Variants in PPP1R42 observed in about 807,000 individuals in gnomAD.
The protein encoded by PPP1R42 is protein phosphatase 1 regulatory subunit 42, also known as leucine rich repeat containing 67.
A neutral mutation model predicts 31.0 loss-of-function variants in PPP1R42; 34 were observed. The ratio of observed to expected loss-of-function variants is 1.10; its 90% CI spans 0.83 to 1.46. The LOEUF is 1.46. Ranked by LOEUF, PPP1R42 falls within the 40% of genes most tolerant of loss-of-function variation. The probability of loss-of-function intolerance (pLI) is 0.00; values close to 1 mark genes in which losing one functional copy is unlikely to be tolerated. For missense variants in PPP1R42, 268 were observed against 303.0 expected (o/e 0.88, Z 0.86); for synonymous variants, 103 against 109.8 (o/e 0.94, Z 0.39).
intron 6 of PPP1R42, chr8:66,984,687 C>G: frequency 1.3e-6 from 2 of 1,564,238 alleles, no homozygotes; most frequent in South Asian, 1.1e-5. Context: ...CAGAGTTGGC[C>G]TCTTCATGCA....
intron 1 of PPP1R42, among the ~76,000 whole-genome samples, chr8:67,023,739 A>G (rs1417741981): frequency 1.3e-5 from 2 of 151,662 alleles, no homozygotes; most frequent in Non-Finnish European, 2.9e-5. Flanking sequence ...GGGCGTATAC[A>G]CTTGTCTTAT....
chr8:67,016,918 A>G (rs1262001464), intron 2 of PPP1R42, among the ~76,000 whole-genome samples: 1 of 152,150 alleles, frequency 6.6e-6, no homozygotes, highest in African/African-American at 2.4e-5. Flanking sequence ...ACTTCTTAAC[A>G]TTTTGGTATA....
intron 6 of PPP1R42, chr8:66,988,138 C>G (rs1815081888): frequency 1.9e-6 from 2 of 1,077,192 alleles, no homozygotes; most frequent in Non-Finnish European, 2.2e-6. Flanking sequence ...ACATTTATGA[C>G]TAACCATTTT....
chr8:67,011,998 C>T (rs573173244), intron 4 of PPP1R42, among the ~76,000 whole-genome samples: 19 of 152,216 alleles, frequency 1.2e-4, no homozygotes, highest in African/African-American at 2.4e-4. Flanking sequence ...AGGCCGGGCA[C>T]GGTGGCTCAC....
chr8:67,015,539 T>G (rs1404334124), intron 2 of PPP1R42, among the ~76,000 whole-genome samples: 1 of 151,994 alleles, frequency 6.6e-6, no homozygotes, highest in South Asian at 2.1e-4. Context: ...TGATTGTGTC[T>G]GAATAGGATT....
At chr8:67,004,603 T>C (rs1157172080) in intron 5 of PPP1R42, among the ~76,000 whole-genome samples, 4 of 152,222 alleles carry the variant, frequency 2.6e-5, no homozygotes, top group Non-Finnish European at 5.9e-5. Context: ...TCATGTTTCT[T>C]TTAAAAAATA....
chr8:67,013,675 G>A (rs1301835449), intron 3 of PPP1R42, among the ~76,000 whole-genome samples: 4 of 152,094 alleles, frequency 2.6e-5, no homozygotes, highest in South Asian at 2.1e-4. Context: ...AGTCATGATC[G>A]CGCCACTGCA....
At chr8:66,981,768 A>T (rs779821193) in intron 7 of PPP1R42, among the ~76,000 whole-genome samples, 17 of 152,308 alleles carry the variant, frequency 1.1e-4, no homozygotes, top group Non-Finnish European at 1.9e-4. Flanking sequence ...CAGGTATACA[A>T]TTATACATTT....
At chr8:67,017,559 C>A in intron 2 of PPP1R42, 60 bp downstream of exon 2, 1 of 992,484 alleles carries the variant, frequency 1.0e-6, no homozygotes, top group Non-Finnish European at 1.4e-6. Flanking sequence ...GCTCCCAAAC[C>A]AATTCCTAAA....
chr8:67,009,254 A>G (rs1815776752), intron 5 of PPP1R42, among the ~76,000 whole-genome samples: 1 of 151,372 alleles, frequency 6.6e-6, no homozygotes, highest in Non-Finnish European at 1.5e-5. Context: ...TGGGCTACAG[A>G]GTGAGACTCC....
chr8:67,010,724 C>A lies in PPP1R42; in HGVS notation c.543G>T (p.Leu181=). 6.3e-7 allele frequency: 1 copy of A among 1,583,424 alleles called. No homozygotes were observed. The highest frequency in any genetic ancestry group is 8.6e-7 in the Non-Finnish European group (1 of 1,160,430). ...NQLIAVDNQL[L]HVKDLEFLLN... ...TTTCTCTTTACACTACCTTCACATG[C>A]AGAAGTTGGTTGTCAACGGCTATGA... The change falls in exon 5 of 8, where the codon CTG becomes CTT. Residue 181 remains leucine (L), a synonymous_variant. Transcript: ENST00000685739.
intron 7 of PPP1R42, among the ~76,000 whole-genome samples, chr8:66,971,338 G>C (rs1181024440): frequency 6.6e-6 from 1 of 152,146 alleles, no homozygotes; most frequent in African/African-American, 2.4e-5. Flanking sequence ...GAAAGTTCAT[G>C]ATCAACTCTT....
Position 66,982,974 on chromosome 8 carries a change from G to A in PPP1R42, c.671-794C>T, listed in dbSNP as rs1274660441. On this transcript the variant is annotated intron_variant, in intron 6 of 7. Coordinates refer to ENST00000685739, the MANE Select transcript of PPP1R42 (RefSeq NM_001364910.1). ...AGCTTTTTTTTTTTTTTAGAGATGGGATCTCACTATGTTGCCCAGGCTGCT... is the reference window on the plus strand; with the variant it reads ...AGCTTTTTTTTTTTTTTAGAGATGGAATCTCACTATGTTGCCCAGGCTGCT... Among the ~76,000 whole-genome samples the A allele has an allele frequency of 4.0e-5, 6 of 151,020 alleles. No homozygotes were observed. In the East Asian group the frequency reaches 5.8e-4, roughly 15 times the overall value.
At chr8:67,004,371 T>A (rs1042337693) in intron 5 of PPP1R42, among the ~76,000 whole-genome samples, 10 of 152,198 alleles carry the variant, frequency 6.6e-5, no homozygotes, top group Non-Finnish European at 1.2e-4. Flanking sequence ...GGTATTTTGT[T>A]ATAGCAGCAA....
Position 67,028,477 on chromosome 8 carries a change from C to T in PPP1R42, c.-85+14G>A, listed in dbSNP as rs543448378. The T allele has an allele frequency of 3.0e-6, 3 of 985,496 alleles. No individual in the cohort carries two copies. The highest frequency in any genetic ancestry group is 1.1e-4 in the East Asian group (1 of 8,822). The allele number at this position is 985,496 out of a possible 1,614,324, so 61.0% of individuals were successfully genotyped here. On this transcript the variant is annotated intron_variant, in intron 1 of 7. Transcript: ENST00000685739. ...TTCCTCGGTCCCCACGCTTATTCCCCGCGGGCAGCTCACCGCTCGCGGGAC... is the reference window on the plus strand; with the variant it reads ...TTCCTCGGTCCCCACGCTTATTCCCTGCGGGCAGCTCACCGCTCGCGGGAC...
intron 6 of PPP1R42, chr8:66,984,778 C>A: frequency 6.2e-7 from 1 of 1,608,646 alleles, no homozygotes. Flanking sequence ...TCCTAATACT[C>A]GCATCAAATT....
At chr8:67,002,979 AC>A (rs1374667760) in intron 5 of PPP1R42, among the ~76,000 whole-genome samples, 4 of 148,240 alleles carry the variant, frequency 2.7e-5, no homozygotes, top group Non-Finnish European at 4.5e-5. Context: ...ACATAGTGAA[AC>A]CCCCATCTCT....
At chr8:67,016,264 A>G (rs1022266351) in intron 2 of PPP1R42, among the ~76,000 whole-genome samples, 7 of 152,222 alleles carry the variant, frequency 4.6e-5, no homozygotes, top group African/African-American at 1.7e-4. Context: ...ATATTTATTA[A>G]GTACATGAGT....
At chr8:67,018,437 C>T (rs1241761217) in intron 1 of PPP1R42, among the ~76,000 whole-genome samples, 1 of 151,760 alleles carries the variant, frequency 6.6e-6, no homozygotes, top group Non-Finnish European at 1.5e-5. Context: ...TTTTAAGAGA[C>T]TGGATCTCAT....
Sources: gnomAD v4.1 joint callset for allele counts (sites outside exome capture counted in the v4.1 genomes callset) on GRCh38, gnomAD v4.1.1 for gene constraint, MANE v1.5 for transcripts, NCBI Gene and HGNC (gene_info 2026-07-23, HGNC 2026-07-21) for gene names.